LY75: variants seen among roughly 807,000 people sequenced by gnomAD.
The protein encoded by LY75 is C-type lectin domain family 13 member B.
A neutral mutation model predicts 231.7 loss-of-function variants in LY75; 185 were observed. The observed-to-expected ratio is 0.80, with a 90% CI of 0.71 to 0.90. The LOEUF (loss-of-function observed/expected upper bound fraction) is 0.90. Ranked by LOEUF, LY75 falls within the 40% of genes least tolerant of loss-of-function variation. The pLI, the probability that LY75 is intolerant of heterozygous loss-of-function variation, is 0.00. For missense variants in LY75, 1,947 were observed against 2,050.2 expected (o/e 0.95, Z 0.97); for synonymous variants, 668 against 689.0 (o/e 0.97, Z 0.48).
chr2:159,844,013 A>T (rs1290264295), intron 23 of LY75, among the ~76,000 whole-genome samples: 5 of 152,142 alleles, frequency 3.3e-5, no homozygotes, highest in Non-Finnish European at 5.9e-5. Context: ...AACATTTTGT[A>T]GGTAGTTCCC....
rs754451887 is a variant in LY75, at chr2:159,904,573, G to C, written c.94+16C>G. On this transcript the variant is annotated intron_variant, in intron 1 of 34. Coordinates refer to ENST00000263636, the MANE Select transcript of LY75 (RefSeq NM_002349.4). The stretch of plus-strand genomic sequence containing the variant: ...AGGCACCCAGCGGACTGCGGGGCTG[G>C]CGTGCCCGCGGTTACCTGCGCGGCC... The C allele has an allele frequency of 1.7e-5, 26 of 1,505,676 alleles. No homozygotes were observed. Among genetic ancestry groups the C allele is most frequent in the Non-Finnish European group, 2.3e-5 (26 of 1,130,876 alleles). 93.3% of individuals were successfully genotyped at this position (1,505,676 alleles called of 1,614,324 possible).
intron 23 of LY75, among the ~76,000 whole-genome samples, chr2:159,845,881 T>TAC (rs1553804499): frequency 4.0e-5 from 6 of 148,258 alleles, no homozygotes; most frequent in Non-Finnish European, 8.9e-5. Context: ...TATATATATA[T>TAC]ACACATACAC....
At position 159,840,934 on chromosome 2, in the gene LY75, A is replaced by G; in HGVS notation, c.3302T>C (p.Leu1101Ser). 1 of 1,613,886 alleles carries G rather than the reference A, an allele frequency of 6.2e-7. No individual in the cohort carries two copies. Among genetic ancestry groups the G allele is most frequent in the East Asian group, 2.2e-5 (1 of 44,880 alleles). Residue 1101 changes from leucine to serine, a missense_variant, in exon 25 of 35, where the codon TTG (leucine) becomes TCG (serine). Coordinates refer to ENST00000263636, the MANE Select transcript of LY75 (RefSeq NM_002349.4). ...KYSEVKSRQT[L>S]QNASETVKYL... The stretch of plus-strand genomic sequence containing the variant: ...CTTTACAGTTTCTGAAGCATTCTGC[A>G]ACGTCTGTCTGCTTTTAACTTCTGC...
intron 18 of LY75, among the ~76,000 whole-genome samples, chr2:159,854,152 T>C (rs1684480312): frequency 6.6e-6 from 1 of 152,148 alleles, no homozygotes; most frequent in Non-Finnish European, 1.5e-5. Flanking sequence ...CCTTATAAAG[T>C]GACATTTATT....
chr2:159,872,391 A>G, intron 13 of LY75, 60 bp downstream of exon 13: 6 of 1,569,274 alleles, frequency 3.8e-6, no homozygotes, highest in Non-Finnish European at 5.2e-6. Flanking sequence ...GAACATGTCA[A>G]TTTTGAATAT....
At position 159,805,119 on chromosome 2, in the gene LY75, C is replaced by T. The variant is rs764762143; in HGVS notation, c.5094G>A (p.Leu1698=). Residue 1698 remains leucine, a synonymous_variant, in exon 35 of 35, where the codon CTG becomes CTA. Transcript: ENST00000263636. ...WFLFQRHRLH[L]AGFSSVRYAQ... is the part of the protein sequence containing the mutation. Reference sequence around the variant, plus strand: ...CATATCGAACTGATGAGAAACCCGCCAGGTGCAAACGGTGCCTTTGGAAGA... The same window carrying T: ...CATATCGAACTGATGAGAAACCCGCTAGGTGCAAACGGTGCCTTTGGAAGA... 1.2e-6 allele frequency: 2 copies of T among 1,614,110 alleles called. No individual in the cohort carries two copies. The highest frequency in any genetic ancestry group is 4.5e-5 in the East Asian group (2 of 44,876).
chr2:159,870,109 G>T (rs1684967416), intron 13 of LY75, among the ~76,000 whole-genome samples: 1 of 152,128 alleles, frequency 6.6e-6, no homozygotes, highest in Non-Finnish European at 1.5e-5. Context: ...CCAGTACACT[G>T]TAGTGAAACT....
intron 16 of LY75, among the ~76,000 whole-genome samples, chr2:159,855,269 T>C (rs899060659): frequency 4.6e-5 from 7 of 152,194 alleles, no homozygotes; most frequent in Non-Finnish European, 1.0e-4. Flanking sequence ...AATAATGATA[T>C]TGTATGTGTT....
Position 159,873,245 on chromosome 2 carries a change from T to G in LY75, c.1975-652A>C, listed in dbSNP as rs557491700. Among the ~76,000 whole-genome samples, 24 of 152,250 alleles carry G rather than the reference T, an allele frequency of 1.6e-4. No homozygotes were observed. The South Asian group carries it at 5.0e-3, about 32-fold the overall frequency. On this transcript the variant is annotated intron_variant, in intron 12 of 34. Transcript: ENST00000263636. ...ACAGGATGAATTATATTTGTCCCAA[T>G]TCTTCAGTTCCTTGTAATATAATTA... is the stretch of plus-strand genomic sequence containing the variant.
chr2:159,828,810 G>A (rs1032595035), intron 28 of LY75, among the ~76,000 whole-genome samples: 7 of 152,116 alleles, frequency 4.6e-5, no homozygotes, highest in African/African-American at 1.7e-4. Flanking sequence ...ATTTTATTCA[G>A]TCATAAAAAG....
rs1685977587 is a variant in LY75 at position 159,898,767 on chromosome 2, A to G, written c.387T>C (p.His129=). The G allele has an allele frequency of 1.2e-6, 2 of 1,614,104 alleles. No individual in the cohort carries two copies. The highest frequency in any genetic ancestry group is 1.7e-5 in the Admixed American group (1 of 60,010). Residue 129 remains histidine (H), a synonymous_variant, in exon 2 of 35, where the codon CAT becomes CAC. Transcript: ENST00000263636. ...ARYRLALKDG[H]GTAISNASDV... is the part of the protein sequence containing the mutation. ...CAGATGCATTTGAGATTGCTGTGCC[A>G]TGTCCATCCTTCAGAGCCAGCCGGT...
chr2:159,884,530 T>A (rs1008449342), intron 6 of LY75, among the ~76,000 whole-genome samples: 13 of 152,120 alleles, frequency 8.5e-5, no homozygotes, highest in Admixed American at 1.3e-4. Flanking sequence ...CACCTCTCCT[T>A]TTTTACTTGA....
Position 159,875,607 on chromosome 2 carries a change from T to C in LY75, c.1811A>G (p.Lys604Arg). Residue 604 changes from lysine to arginine, a missense_variant, in exon 12 of 35, where the codon AAG (lysine) becomes AGG (arginine). Physicochemically the swap from Lys to Arg is conservative, Grantham distance 26. Coordinates refer to ENST00000263636, the MANE Select transcript of LY75 (RefSeq NM_002349.4). ...CTTCACCTCCCACTTTCCAACAGAC[T>C]TTCCAGTAGACATAGCCACGCAGCC... is the stretch of plus-strand genomic sequence containing the variant. The part of the protein sequence containing the change: ...PGGCVAMSTG[K>R]SVGKWEVKDC... 6.2e-7 allele frequency: 1 copy of C among 1,613,976 alleles called. No individual in the cohort carries two copies. The highest frequency in any genetic ancestry group is 8.5e-7 in the Non-Finnish European group (1 of 1,179,964).
chr2:159,810,562 T>G lies in LY75; in HGVS notation c.4663A>C (p.Ser1555Arg), dbSNP rs200523731. Residue 1555 changes from serine (S) to arginine (R), a missense_variant, in exon 32 of 35, where the codon AGT becomes CGT. By Grantham distance (110) the Ser-to-Arg change is moderately radical (BLOSUM62 -1). Coordinates refer to ENST00000263636, the MANE Select transcript of LY75 (RefSeq NM_002349.4). ...HCYKSDQALH[S>R]FSEAKKLCSK... Reference sequence around the variant, plus strand: ...CACAATTTTTTGGCCTCTGAAAAACTGTGCAATGCCTGATCAGACTTGTAA... The same window carrying G: ...CACAATTTTTTGGCCTCTGAAAAACGGTGCAATGCCTGATCAGACTTGTAA... The G allele has an allele frequency of 6.4e-5, 103 of 1,613,790 alleles. 1 individual carries two copies. The South Asian group carries it at 1.0e-3, about 16-fold the overall frequency.
chr2:159,863,612 C>G (rs1017502862), intron 14 of LY75, among the ~76,000 whole-genome samples: 1 of 152,102 alleles, frequency 6.6e-6, no homozygotes, highest in African/African-American at 2.4e-5. Flanking sequence ...TGAGAAATGT[C>G]TATTCAGTCA....
At position 159,813,170 on chromosome 2, in the gene LY75, A is replaced by G. The variant is rs1159541147; in HGVS notation, c.4549+2235T>C. On this transcript the variant is annotated intron_variant, in intron 31 of 34. Coordinates refer to ENST00000263636, the MANE Select transcript of LY75 (RefSeq NM_002349.4). ...ATCCCTGCTTTCAGTTGTTTTGAGTATATACCTGAAGTGCTGGATCACATA... is the reference window on the plus strand; with the variant it reads ...ATCCCTGCTTTCAGTTGTTTTGAGTGTATACCTGAAGTGCTGGATCACATA... 2.6e-5 allele frequency among the ~76,000 whole-genome samples: 4 copies of G among 152,198 alleles called. No individual in the cohort carries two copies. The East Asian group carries it at 7.7e-4, about 29-fold the overall frequency.
chr2:159,904,348 C>A (rs1021968766), intron 1 of LY75, among the ~76,000 whole-genome samples: 3 of 152,240 alleles, frequency 2.0e-5, no homozygotes, highest in African/African-American at 7.2e-5. Context: ...CCCCTCTGCA[C>A]CAGAAGGGCC....
chr2:159,850,026 T>C lies in LY75; in HGVS notation c.3104A>G (p.Asn1035Ser), dbSNP rs774018392. The change falls in exon 23 of 35, where the codon AAC (asparagine) becomes AGC (serine). Residue 1035 changes from asparagine to serine, a missense_variant. Physicochemically the swap from Asn to Ser is conservative, Grantham distance 46. Coordinates refer to ENST00000263636, the MANE Select transcript of LY75 (RefSeq NM_002349.4). ...WTDNRELTYS[N>S]FHPLLVSGRL... Reference sequence around the variant, plus strand: ...CCCACTAACCAATAATGGGTGAAAGTTACTGTACGTCAGCTCTCTGTTATC... The same window carrying C: ...CCCACTAACCAATAATGGGTGAAAGCTACTGTACGTCAGCTCTCTGTTATC... 10 of 1,613,974 alleles carry C rather than the reference T, an allele frequency of 6.2e-6. No homozygotes were observed. The highest frequency in any genetic ancestry group is 8.5e-6 in the Non-Finnish European group (10 of 1,179,914).
intron 6 of LY75, among the ~76,000 whole-genome samples, chr2:159,883,550 C>CAT (rs1685501508): frequency 6.6e-6 from 1 of 152,052 alleles, no homozygotes; most frequent in African/African-American, 2.4e-5. Context: ...GATAAGTAGG[C>CAT]ATATCATTTG....
Sources: gnomAD v4.1 joint callset for allele counts (sites outside exome capture counted in the v4.1 genomes callset) on GRCh38, gnomAD v4.1.1 for gene constraint, MANE v1.5 for transcripts, NCBI Gene and HGNC (gene_info 2026-07-23, HGNC 2026-07-21) for gene names.